EIF3H: variants seen among roughly 807,000 people sequenced by gnomAD.
The protein encoded by EIF3H is eukaryotic translation initiation factor 3 subunit H.
Under a neutral mutation model 44.2 loss-of-function variants are expected in EIF3H, and 26 were observed. The observed-to-expected ratio is 0.59, with a 90% CI of 0.43 to 0.82. EIF3H has a LOEUF of 0.82. EIF3H is among the 40% of genes least tolerant of loss of function. EIF3H has a pLI of 0.00. For synonymous variants in EIF3H, 166 were observed against 151.9 expected (o/e 1.09, Z -0.68); for missense variants, 359 against 432.8 (o/e 0.83, Z 1.51).
rs369635660 is a variant in EIF3H at position 116,655,870 on chromosome 8, G to T, written c.693C>A (p.Leu231=). ...KSAVADKHEL[L]SLASSNHLGK... ...GGGCCACTTACCTGCTGGCAAGGCTGAGCAATTCATGTTTATCTGCAACAG... is the reference window on the plus strand; with the variant it reads ...GGGCCACTTACCTGCTGGCAAGGCTTAGCAATTCATGTTTATCTGCAACAG... Residue 231 remains leucine, a synonymous_variant, in exon 5 of 8, where the codon CTC becomes CTA. Transcript: ENST00000521861. 2.0e-5 allele frequency: 32 copies of T among 1,613,628 alleles called. No individual in the cohort carries two copies. The South Asian group carries it at 3.4e-4, about 17-fold the overall frequency.
chr8:116,698,709 T>C (rs1814314215), intron 2 of EIF3H, among the ~76,000 whole-genome samples: 1 of 152,216 alleles, frequency 6.6e-6, no homozygotes, highest in African/African-American at 2.4e-5. Context: ...TTTCAAAACC[T>C]CTTGCCACTA....
chr8:116,743,797 T>C (rs139489971), intron 1 of EIF3H, among the ~76,000 whole-genome samples: 33 of 33,052 alleles, frequency 1.0e-3, no homozygotes, highest in African/African-American at 2.5e-3. Flanking sequence ...TATATATATA[T>C]AAACACACAC....
At chr8:116,724,967 G>A (rs1384006037) in intron 2 of EIF3H, among the ~76,000 whole-genome samples, 1 of 152,184 alleles carries the variant, frequency 6.6e-6, no homozygotes, top group East Asian at 1.9e-4. Flanking sequence ...ATTTTGAAGA[G>A]ATATTTGCAC....
Position 116,644,718 on chromosome 8 carries a change from T to G in EIF3H, c.*288A>C, listed in dbSNP as rs1586427997. 1 of 321,108 alleles carries G rather than the reference T, an allele frequency of 3.1e-6. No homozygotes were observed. Among genetic ancestry groups the G allele is most frequent in the Non-Finnish European group, 5.8e-6 (1 of 173,344 alleles). The allele number at this position is 321,108 out of a possible 1,614,324, so 19.9% of individuals were successfully genotyped here. ...CAGCAAAAGTGGTGGAGCCTATAGG[T>G]TTCTGCCTGGTGAAACTTCCGGTCA... On this transcript the variant is annotated 3_prime_UTR_variant, in exon 8 of 8. Coordinates refer to ENST00000521861, the MANE Select transcript of EIF3H (RefSeq NM_003756.3).
chr8:116,692,284 G>T (rs747978616), intron 2 of EIF3H, among the ~76,000 whole-genome samples: 2 of 152,072 alleles, frequency 1.3e-5, no homozygotes, highest in African/African-American at 2.4e-5. Context: ...TGGGAGAAAA[G>T]AACCATTACC....
intron 2 of EIF3H, among the ~76,000 whole-genome samples, chr8:116,678,874 GC>G (rs1252759435): frequency 7.2e-6 from 1 of 138,560 alleles, no homozygotes; most frequent in Non-Finnish European, 1.6e-5. Context: ...GGGGGGGTCA[GC>G]CCCCCGCCCG....
intron 2 of EIF3H, among the ~76,000 whole-genome samples, chr8:116,711,298 T>A (rs968897097): frequency 1.3e-5 from 2 of 152,226 alleles, no homozygotes; most frequent in African/African-American, 4.8e-5. Flanking sequence ...CCCCATTTTA[T>A]CAACAGAGAA....
chr8:116,700,674 T>A (rs1814359978), intron 2 of EIF3H, among the ~76,000 whole-genome samples: 1 of 152,208 alleles, frequency 6.6e-6, no homozygotes, highest in African/African-American at 2.4e-5. Context: ...AAAAGATTTA[T>A]ATAGTTTGAT....
intron 1 of EIF3H, among the ~76,000 whole-genome samples, chr8:116,753,711 C>T (rs77377294): frequency 0.049 from 7,455 of 152,298 alleles, 321 homozygotes; most frequent in Admixed American, 0.15. Flanking sequence ...TTTAATTCAA[C>T]AATCCCTCTT....
chr8:116,722,947 G>A (rs924679507), intron 2 of EIF3H, among the ~76,000 whole-genome samples: 3 of 152,114 alleles, frequency 2.0e-5, no homozygotes, highest in African/African-American at 7.2e-5. Flanking sequence ...TAAAGTACAT[G>A]TTCGTGAAAT....
intron 2 of EIF3H, among the ~76,000 whole-genome samples, chr8:116,691,345 TG>T (rs1233699660): frequency 6.6e-6 from 1 of 151,972 alleles, no homozygotes; most frequent in Non-Finnish European, 1.5e-5. Flanking sequence ...CCTACAAACC[TG>T]GGGGAAGAGG....
intron 2 of EIF3H, among the ~76,000 whole-genome samples, chr8:116,681,320 C>T (rs946326518): frequency 2.6e-5 from 4 of 152,028 alleles, no homozygotes; most frequent in Admixed American, 2.6e-4. Context: ...CGAGATCAGG[C>T]CACTACACTC....
chr8:116,672,074 C>G (rs1381103175), intron 2 of EIF3H, among the ~76,000 whole-genome samples: 1 of 151,978 alleles, frequency 6.6e-6, no homozygotes. Flanking sequence ...GGTATGGAGG[C>G]AAAATAGTAA....
At chr8:116,685,145 T>C (rs1016403371) in intron 2 of EIF3H, among the ~76,000 whole-genome samples, 1 of 152,208 alleles carries the variant, frequency 6.6e-6, no homozygotes, top group Non-Finnish European at 1.5e-5. Context: ...CTCCCTCTCT[T>C]ATGTGTGTAA....
In EIF3H at chr8:116,700,221, T is replaced by G. The variant is rs575218338; in HGVS notation, c.289+25795A>C. Reference sequence around the variant, plus strand: ...CTGGAGCAAGAGCTCCCTAAATTAATTGCCTAGGGAAAAATGGAGGTAGAG... The same window carrying G: ...CTGGAGCAAGAGCTCCCTAAATTAAGTGCCTAGGGAAAAATGGAGGTAGAG... On this transcript the variant is annotated intron_variant, in intron 2 of 7. Coordinates refer to ENST00000521861, the MANE Select transcript of EIF3H (RefSeq NM_003756.3). Among the ~76,000 whole-genome samples the G allele has an allele frequency of 2.0e-5, 3 of 152,306 alleles. No individual in the cohort carries two copies. The South Asian group carries it at 6.2e-4, about 32-fold the overall frequency.
At chr8:116,710,074 T>C (rs748717866) in intron 2 of EIF3H, among the ~76,000 whole-genome samples, 3 of 152,200 alleles carry the variant, frequency 2.0e-5, no homozygotes, top group Admixed American at 6.5e-5. Context: ...TTCCTTTCCA[T>C]GCTCTTTTCT....
At position 116,646,470 on chromosome 8, in the gene EIF3H, C is replaced by T. The variant is rs765261034; in HGVS notation, c.961+1G>A. The T allele has an allele frequency of 6.2e-7, 1 of 1,614,182 alleles. No homozygotes were observed. Among genetic ancestry groups the T allele is most frequent in the Non-Finnish European group, 8.5e-7 (1 of 1,180,022 alleles). On this transcript the variant is annotated splice_donor_variant, in intron 7 of 7. Coordinates refer to ENST00000521861, the MANE Select transcript of EIF3H (RefSeq NM_003756.3). LOFTEE classifies it high-confidence loss of function. ...CCAGGTTTTGCACTGGGCAACAATA[C>T]CTGCAATGAGCAGCGAGTCCATCCT...
intron 2 of EIF3H, among the ~76,000 whole-genome samples, chr8:116,699,740 C>T (rs972240382): frequency 2.6e-5 from 4 of 152,158 alleles, no homozygotes; most frequent in South Asian, 4.1e-4. Flanking sequence ...AATGCATAGG[C>T]GCCCTAATTA....
rs36085143 is a variant in EIF3H at position 116,667,464 on chromosome 8, C to CAAA, written c.290-8487_290-8485dup. 5.8e-3 allele frequency among the ~76,000 whole-genome samples: 803 copies of CAAA among 138,646 alleles called. 5 individuals carry two copies. The highest frequency in any genetic ancestry group is 0.02 in the African/African-American group (761 of 37,788). The allele number at this position is 138,646 out of a possible 152,430, so 91.0% of individuals were successfully genotyped here. A position where few individuals can be genotyped will look rare whatever the true frequency, so the allele number is the denominator to read the frequency against. On this transcript the variant is annotated intron_variant, in intron 2 of 7. Transcript: ENST00000521861. Reference sequence around the variant, plus strand: ...ACAGAAAACTGTTTGTACAACTTCACAAAAAAAAAAAAAAGATTAAGGGGC... The same window carrying CAAA: ...ACAGAAAACTGTTTGTACAACTTCACAAAAAAAAAAAAAAAAAGATTAAGGGGC...
Sources: gnomAD v4.1 joint callset for allele counts (sites outside exome capture counted in the v4.1 genomes callset) on GRCh38, gnomAD v4.1.1 for gene constraint, MANE v1.5 for transcripts, NCBI Gene and HGNC (gene_info 2026-07-23, HGNC 2026-07-21) for gene names.